The following FGF10 variants were observed in gnomAD, a reference collection of about 807,000 sequenced individuals.
The protein encoded by FGF10 is fibroblast growth factor 10.
Under a neutral mutation model 19.8 loss-of-function variants are expected in FGF10, and 2 were observed. The ratio of observed to expected loss-of-function variants is 0.10; its 90% CI spans 0.04 to 0.32. The LOEUF (loss-of-function observed/expected upper bound fraction) is 0.32, where lower values mean the gene tolerates loss of function less well. Ranked by LOEUF, FGF10 falls within the 10% of genes least tolerant of loss-of-function variation. FGF10 has a pLI of 1.00. For synonymous variants in FGF10, 112 were observed against 94.0 expected, an observed-to-expected ratio of 1.19 and a Z score of -1.10; for missense variants, 191 against 246.3, an observed-to-expected ratio of 0.78 and a Z score of 1.50.
chr5:44,360,401 C>T (rs1741452578), intron 1 of FGF10, among the ~76,000 whole-genome samples: 1 of 151,468 alleles, frequency 6.6e-6, no homozygotes. Context: ...TAATCTTTAA[C>T]ACTCCCTTCC....
At chr5:44,339,458 C>T (rs763049306) in intron 1 of FGF10, among the ~76,000 whole-genome samples, 4 of 152,076 alleles carry the variant, frequency 2.6e-5, no homozygotes, top group Non-Finnish European at 4.4e-5. Context: ...TAGCATAAGG[C>T]GTTCTGTTGG....
chr5:44,337,832 A>G lies in FGF10; in HGVS notation c.326-27302T>C, dbSNP rs554250070. On this transcript the variant is annotated intron_variant, in intron 1 of 2. Transcript: ENST00000264664. ...GGCATGCGCCTGTAGTCCCAGCTAC[A>G]TGGGAGGCTGACGCAGGAGAATCAC... Among the ~76,000 whole-genome samples the G allele has an allele frequency of 3.3e-5, 5 of 152,168 alleles. No homozygotes were observed. The East Asian group carries it at 5.8e-4, about 18-fold the overall frequency.
At chr5:44,331,413 A>G (rs982212537) in intron 1 of FGF10, among the ~76,000 whole-genome samples, 24 of 152,146 alleles carry the variant, frequency 1.6e-4, no homozygotes, top group Admixed American at 3.3e-4. Context: ...AAATAATTCC[A>G]TTGATAATAA....
At chr5:44,388,268 T>C in intron 1 of FGF10, 90 bp downstream of exon 1, 2 of 1,211,100 alleles carry the variant, frequency 1.7e-6, no homozygotes, top group South Asian at 1.2e-5. Context: ...ACGTAAATAT[T>C]TAGCTGGCCA....
intron 1 of FGF10, among the ~76,000 whole-genome samples, chr5:44,376,498 A>AAAAG (rs1741861214): frequency 9.1e-6 from 1 of 109,700 alleles, no homozygotes; most frequent in Non-Finnish European, 2.0e-5. Context: ...GCCAAAAAAA[A>AAAAG]AAAAAAAAAA....
At chr5:44,358,592 C>G (rs1741402878) in intron 1 of FGF10, among the ~76,000 whole-genome samples, 1 of 151,498 alleles carries the variant, frequency 6.6e-6, no homozygotes, top group African/African-American at 2.4e-5. Context: ...CACAGAGTGT[C>G]AACTGATGTG....
At chr5:44,350,112 A>G in intron 1 of FGF10, among the ~76,000 whole-genome samples, 1 of 151,176 alleles carries the variant, frequency 6.6e-6, no homozygotes, top group Non-Finnish European at 1.5e-5. Context: ...CTGAGATAAT[A>G]AGAATATCAA....
At chr5:44,320,866 C>T (rs10452475) in intron 1 of FGF10, among the ~76,000 whole-genome samples, 18,290 of 151,918 alleles carry the variant, frequency 0.12, 2,709 homozygotes, top group African/African-American at 0.34. Context: ...AGGCATGTGC[C>T]GCCATGCCTG....
chr5:44,315,585 C>T (rs1437969431), intron 1 of FGF10, among the ~76,000 whole-genome samples: 2 of 152,160 alleles, frequency 1.3e-5, no homozygotes, highest in Non-Finnish European at 2.9e-5. Flanking sequence ...GAATCAGTCA[C>T]ATCTATTTTT....
intron 1 of FGF10, among the ~76,000 whole-genome samples, chr5:44,342,070 A>G (rs75632187): frequency 0.014 from 2,097 of 152,098 alleles, 91 homozygotes; most frequent in East Asian, 0.12. Context: ...TAGCAATAAC[A>G]TTTGTGAATT....
In FGF10 at chr5:44,347,607, G is replaced by A. The variant is rs1212184826; in HGVS notation, c.326-37077C>T. Among the ~76,000 whole-genome samples the A allele has an allele frequency of 5.9e-5, 9 of 151,540 alleles. No homozygotes were observed. In the Admixed American group the frequency reaches 5.9e-4, roughly 10 times the overall value. On this transcript the variant is annotated intron_variant, in intron 1 of 2. Transcript: ENST00000264664. ...CTCTTGCTAAGAATCACTCTTTTTT[G>A]GGGGGCACCTTTTATACTTTGCCCA...
At chr5:44,337,970 G>C (rs1192313571) in intron 1 of FGF10, among the ~76,000 whole-genome samples, 2 of 152,014 alleles carry the variant, frequency 1.3e-5, no homozygotes, top group Non-Finnish European at 2.9e-5. Context: ...CAATTATTAT[G>C]TGTAATGATG....
chr5:44,324,165 T>G (rs1420800495), intron 1 of FGF10, among the ~76,000 whole-genome samples: 1 of 151,868 alleles, frequency 6.6e-6, no homozygotes, highest in African/African-American at 2.4e-5. Flanking sequence ...AAAATATTGC[T>G]GGGATCCAGA....
At chr5:44,357,513 C>G (rs1220928185) in intron 1 of FGF10, among the ~76,000 whole-genome samples, 2 of 151,464 alleles carry the variant, frequency 1.3e-5, no homozygotes, top group South Asian at 2.1e-4. Context: ...ATTTAACCAT[C>G]ATGATAGCCT....
At chr5:44,347,806 G>T (rs780051152) in intron 1 of FGF10, among the ~76,000 whole-genome samples, 2 of 151,580 alleles carry the variant, frequency 1.3e-5, no homozygotes, top group African/African-American at 4.8e-5. Context: ...TGGTGGAGGG[G>T]ACCCAATGGC....
At chr5:44,342,496 T>C (rs1740992286) in intron 1 of FGF10, among the ~76,000 whole-genome samples, 1 of 146,458 alleles carries the variant, frequency 6.8e-6, no homozygotes, top group East Asian at 2.0e-4. Context: ...ATTAAGAAAT[T>C]TATAGAAAGT....
At chr5:44,373,040 T>C (rs888665065) in intron 1 of FGF10, among the ~76,000 whole-genome samples, 18 of 152,196 alleles carry the variant, frequency 1.2e-4, no homozygotes, top group African/African-American at 4.3e-4. Context: ...ATTTTGGGAG[T>C]CTGACAGCCT....
In FGF10 at chr5:44,351,232, A is replaced by C. The variant is rs191502589; in HGVS notation, c.325+37126T>G. Among the ~76,000 whole-genome samples the C allele has an allele frequency of 3.4e-3, 514 of 151,726 alleles. 1 individual carries two copies. Among genetic ancestry groups the C allele is most frequent in the Admixed American group, 4.1e-3 (62 of 15,204 alleles). Reference sequence around the variant, plus strand: ...TAATCAGATACAAAAGACATGCTTTAAACACATGACAGTATGTGTCAATTT... The same window carrying C: ...TAATCAGATACAAAAGACATGCTTTCAACACATGACAGTATGTGTCAATTT... On this transcript the variant is annotated intron_variant, in intron 1 of 2. Transcript: ENST00000264664.
rs1325424787 is a variant in FGF10 at position 44,300,283 on chromosome 5, A to G, written c.*4712T>C. Reference sequence around the variant, plus strand: ...TTTTTTTTTATTTTACACTTAAACAATGAATGACATCAGGGTTTCAGATTT... The same window carrying G: ...TTTTTTTTTATTTTACACTTAAACAGTGAATGACATCAGGGTTTCAGATTT... On this transcript the variant is annotated 3_prime_UTR_variant, in exon 3 of 3. Transcript: ENST00000264664. 6.6e-6 allele frequency among the ~76,000 whole-genome samples: 1 copy of G among 152,144 alleles called. No individual in the cohort carries two copies. Among genetic ancestry groups the G allele is most frequent in the African/African-American group, 2.4e-5 (1 of 41,452 alleles).
Sources: gnomAD v4.1 joint callset for allele counts (sites outside exome capture counted in the v4.1 genomes callset) on GRCh38, gnomAD v4.1.1 for gene constraint, MANE v1.5 for transcripts, NCBI Gene and HGNC (gene_info 2026-07-23, HGNC 2026-07-21) for gene names.